The following KNTC1 variants were observed in gnomAD, a reference collection of about 807,000 sequenced individuals.
KNTC1 encodes the protein kinetochore associated 1.
In KNTC1, 253 loss-of-function variants were observed where a neutral mutation model predicts 314.4. That is an observed-to-expected ratio of 0.80 (90% CI 0.73 to 0.89). KNTC1 has a LOEUF of 0.89. KNTC1 is among the 40% of genes least tolerant of loss of function. KNTC1 has a pLI of 0.00. For missense variants in KNTC1, 2,475 were observed against 2,572.9 expected, an observed-to-expected ratio of 0.96 and a Z score of 0.82; for synonymous variants, 901 against 901.4, an observed-to-expected ratio of 1.00 and a Z score of 0.01.
intron 55 of KNTC1, 38 bp from the exon 56 acceptor site, chr12:122,614,953 C>T: frequency 6.9e-7 from 1 of 1,459,352 alleles, no homozygotes; most frequent in Non-Finnish European, 9.5e-7. Flanking sequence ...TTACTGGTGT[C>T]TTGGAATAGC....
At position 122,582,848 on chromosome 12, in the gene KNTC1, G is replaced by A. The variant is rs1356538213; in HGVS notation, c.3126G>A (p.Glu1042=). The change falls in exon 34 of 64, where the codon GAG becomes GAA. Residue 1042 remains glutamate, a synonymous_variant. Coordinates refer to ENST00000333479, the MANE Select transcript of KNTC1 (RefSeq NM_014708.6). ...GCACCCCAGAGCCCATAGCTGCTGA[G>A]GTGAGGAGCCCAAGCATGGAATCAA... is the stretch of plus-strand genomic sequence containing the variant. ...PGSTPEPIAA[E]VRSPSMESKL... The A allele has an allele frequency of 6.2e-7, 1 of 1,612,122 alleles. No individual in the cohort carries two copies. Among genetic ancestry groups the A allele is most frequent in the Admixed American group, 1.7e-5 (1 of 59,618 alleles).
At chr12:122,564,573 T>TTG (rs1964181925) in intron 20 of KNTC1, among the ~76,000 whole-genome samples, 2 of 151,982 alleles carry the variant, frequency 1.3e-5, no homozygotes, top group Non-Finnish European at 2.9e-5. Context: ...TCCCTGGTGA[T>TTG]CCTCCTACCT....
At position 122,586,704 on chromosome 12, in the gene KNTC1, G is replaced by T; in HGVS notation, c.3677G>T (p.Ser1226Ile). The T allele has an allele frequency of 6.8e-7, 1 of 1,466,090 alleles. No homozygotes were observed. Among genetic ancestry groups the T allele is most frequent in the Non-Finnish European group, 9.1e-7 (1 of 1,094,054 alleles). 90.8% of individuals were successfully genotyped at this position (1,466,090 alleles called of 1,614,324 possible). A position where few individuals can be genotyped will look rare whatever the true frequency, so the allele number is the denominator to read the frequency against. ...AATGTTTTATTATCTTTTGTAGAAA[G>T]CAAGAGATATCCCTTGGAGTCTACC... ...LISSLVPLAE[S>I]KRYPLESTSL... is the part of the protein sequence containing the mutation. Residue 1226 changes from serine (S) to isoleucine (I), a missense_variant, in exon 38 of 64, where the codon AGC (serine) becomes ATC (isoleucine). Ser to Ile is a moderately radical substitution (Grantham distance 142, BLOSUM62 -2). Coordinates refer to ENST00000333479, the MANE Select transcript of KNTC1 (RefSeq NM_014708.6).
rs1305050892 is a variant in KNTC1, at chr12:122,547,980, A to T, written c.987+11A>T. The T allele has an allele frequency of 6.6e-7, 1 of 1,523,278 alleles. No individual in the cohort carries two copies. The highest frequency in any genetic ancestry group is 8.8e-7 in the Non-Finnish European group (1 of 1,133,254). The allele number at this position is 1,523,278 out of a possible 1,614,324, so 94.4% of individuals were successfully genotyped here. A position where few individuals can be genotyped will look rare whatever the true frequency, so the allele number is the denominator to read the frequency against. ...TCAGCTAATAAGAAGGTATTGGAAA[A>T]TTTTATTTTGTGCTTGCCTATATTA... On this transcript the variant is annotated intron_variant, in intron 12 of 63. Transcript: ENST00000333479.
At position 122,622,493 on chromosome 12, in the gene KNTC1, A is replaced by G. The variant is rs375738921; in HGVS notation, c.6401A>G (p.Asn2134Ser). ...AGTCTGATTTTGAATAATATCATCA[A>G]TAAGAAGGAGTTTGGGATTTTGGCA... ...IRSLILNNIINKKEFGILAKT... is the reference protein window; with the variant it reads ...IRSLILNNIISKKEFGILAKT... Residue 2134 changes from asparagine (N) to serine (S), a missense_variant, in exon 62 of 64, where the codon AAT (asparagine) becomes AGT (serine). Asn to Ser is a conservative substitution (Grantham distance 46). Coordinates refer to ENST00000333479, the MANE Select transcript of KNTC1 (RefSeq NM_014708.6). 14 of 1,583,076 alleles carry G rather than the reference A, an allele frequency of 8.8e-6. No homozygotes were observed. The South Asian group carries it at 1.5e-4, about 17-fold the overall frequency.
intron 52 of KNTC1, 148 bp from the exon 53 acceptor site, chr12:122,610,674 G>C: frequency 3.4e-6 from 2 of 590,658 alleles, no homozygotes; most frequent in South Asian, 4.4e-5. Context: ...TTCTTTAAAG[G>C]GGGAAGCGCA....
chr12:122,554,156 C>T (rs1015510831), intron 16 of KNTC1, among the ~76,000 whole-genome samples: 1 of 147,588 alleles, frequency 6.8e-6, no homozygotes, highest in Non-Finnish European at 1.5e-5. Flanking sequence ...GTCTCGAACT[C>T]GTGACCGCAA....
At chr12:122,590,461 G>T in intron 40 of KNTC1, 146 bp from the exon 41 acceptor site, 1 of 713,318 alleles carries the variant, frequency 1.4e-6, no homozygotes, top group South Asian at 2.3e-5. Flanking sequence ...TTGAGACACT[G>T]AATTCTGTTT....
chr12:122,590,513 A>T, intron 40 of KNTC1, 94 bp from the exon 41 acceptor site: 1 of 1,229,810 alleles, frequency 8.1e-7, no homozygotes. Flanking sequence ...AATTAAAATT[A>T]TTCCTCTTTA....
At chr12:122,543,716 TCTA>T in intron 7 of KNTC1, 82 bp downstream of exon 7, 2 of 789,310 alleles carry the variant, frequency 2.5e-6, no homozygotes, top group Non-Finnish European at 2.0e-6. Context: ...ATATAATTGG[TCTA>T]CTTCTTGATA....
chr12:122,605,528 C>T (rs1300078561), intron 51 of KNTC1, 113 bp downstream of exon 51: 2 of 561,850 alleles, frequency 3.6e-6, no homozygotes, highest in Non-Finnish European at 6.4e-6. Flanking sequence ...AGCGCAGACT[C>T]TTCAAAGAAG....
At chr12:122,617,329 T>A (rs928283465) in intron 57 of KNTC1, 1 of 404,764 alleles carries the variant, frequency 2.5e-6, no homozygotes, top group African/African-American at 2.1e-5. Context: ...TGGTAAAATA[T>A]ACCTGAAGTT....
intron 24 of KNTC1, among the ~76,000 whole-genome samples, chr12:122,572,027 A>T (rs1339866599): frequency 6.6e-6 from 1 of 152,124 alleles, no homozygotes. Context: ...CAAAAGGGGA[A>T]CTATATAAAC....
At chr12:122,580,827 G>T (rs1284799314) in intron 33 of KNTC1, among the ~76,000 whole-genome samples, 157 bp downstream of exon 33, 1 of 152,192 alleles carries the variant, frequency 6.6e-6, no homozygotes, top group East Asian at 1.9e-4. Context: ...AGGAGATCGA[G>T]ATCATCCTGG....
chr12:122,579,848 A>T, intron 31 of KNTC1, 57 bp from the exon 32 acceptor site: 1 of 1,161,156 alleles, frequency 8.6e-7, no homozygotes, highest in Non-Finnish European at 1.3e-6. Flanking sequence ...TATATGTACT[A>T]CTGAAGTGGT....
chr12:122,592,187 G>A (rs1870327099), intron 42 of KNTC1, among the ~76,000 whole-genome samples: 2 of 152,242 alleles, frequency 1.3e-5, no homozygotes, highest in African/African-American at 2.4e-5. Flanking sequence ...TGCGGAGGGT[G>A]TACTGGGTCC....
At chr12:122,597,678 C>T (rs971577817) in intron 43 of KNTC1, 53 bp from the exon 44 acceptor site, 3 of 1,449,376 alleles carry the variant, frequency 2.1e-6, no homozygotes, top group Non-Finnish European at 2.9e-6. Flanking sequence ...AGATACTTTG[C>T]ATGGAAATGC....
At position 122,549,785 on chromosome 12, in the gene KNTC1, A is replaced by G; in HGVS notation, c.1007A>G (p.Tyr336Cys). Reference protein sequence around the residue: ...ANKKMKNLMVYSLPTMEILYS... With the variant: ...ANKKMKNLMVCSLPTMEILYS... The stretch of plus-strand genomic sequence containing the variant: ...TCTTAGATGAAAAACCTCATGGTTT[A>G]TTCATTACCTACAATGGAAATACTA... Residue 336 changes from tyrosine (Y) to cysteine (C), a missense_variant, in exon 13 of 64, where the codon TAT (tyrosine) becomes TGT (cysteine). Coordinates refer to ENST00000333479, the MANE Select transcript of KNTC1 (RefSeq NM_014708.6). The G allele has an allele frequency of 6.5e-7, 1 of 1,531,634 alleles. No individual in the cohort carries two copies. Among genetic ancestry groups the G allele is most frequent in the Non-Finnish European group, 8.9e-7 (1 of 1,119,530 alleles). The allele number at this position is 1,531,634 out of a possible 1,614,324, so 94.9% of individuals were successfully genotyped here.
chr12:122,547,940 A>G lies in KNTC1; in HGVS notation c.958A>G (p.Ile320Val). 6.4e-7 allele frequency: 1 copy of G among 1,552,484 alleles called. No individual in the cohort carries two copies. The change falls in exon 12 of 64, where the codon ATA becomes GTA. Residue 320 changes from isoleucine (I) to valine (V), a missense_variant. Ile to Val is a conservative substitution (Grantham distance 29). Coordinates refer to ENST00000333479, the MANE Select transcript of KNTC1 (RefSeq NM_014708.6). ...GCAAGGAATTACAAATCTCAAATTAATAGCTCTGACAGCTTCAGCTAATAA... is the reference window on the plus strand; with the variant it reads ...GCAAGGAATTACAAATCTCAAATTAGTAGCTCTGACAGCTTCAGCTAATAA... ...TWQGITNLKL[I>V]ALTASANKKM...
Sources: allele counts gnomAD v4.1 joint callset (sites outside exome capture counted in the v4.1 genomes callset), GRCh38; gene constraint gnomAD v4.1.1; transcripts MANE v1.5; gene names NCBI Gene and HGNC (gene_info 2026-07-23, HGNC 2026-07-21).